Variants in SAMD3 observed in about 807,000 individuals in gnomAD.
SAMD3 encodes the protein sterile alpha motif domain-containing protein 3.
A neutral mutation model predicts 58.5 loss-of-function variants in SAMD3; 63 were observed. The observed-to-expected ratio is 1.08, with a 90% CI of 0.88 to 1.33. The LOEUF is 1.33. Among genes scored for constraint, SAMD3 ranks in the 40% most tolerant of loss-of-function variants. SAMD3 has a pLI of 0.00. For missense variants in SAMD3, 604 were observed against 608.4 expected (o/e 0.99, Z 0.08); for synonymous variants, 220 against 210.3 (o/e 1.05, Z -0.40).
intron 2 of SAMD3, among the ~76,000 whole-genome samples, chr6:130,306,588 T>C (rs564270271): frequency 4.6e-4 from 70 of 152,330 alleles, no homozygotes; most frequent in African/African-American, 1.7e-3. Context: ...TCTATTCCAC[T>C]AACTGTCCAG....
chr6:130,242,489 A>G (rs1034218133), intron 2 of SAMD3, among the ~76,000 whole-genome samples: 3 of 152,240 alleles, frequency 2.0e-5, no homozygotes, highest in Non-Finnish European at 4.4e-5. Context: ...GGATAAGTAA[A>G]CAAGACATTT....
intron 2 of SAMD3, among the ~76,000 whole-genome samples, chr6:130,269,374 A>G (rs942538098): frequency 2.0e-4 from 31 of 152,184 alleles, no homozygotes; most frequent in African/African-American, 6.8e-4. Context: ...TTTTAAAAAT[A>G]TGACTTCAAT....
intron 2 of SAMD3, among the ~76,000 whole-genome samples, chr6:130,270,589 T>C (rs1303088815): frequency 1.3e-5 from 2 of 152,208 alleles, no homozygotes; most frequent in South Asian, 2.1e-4. Flanking sequence ...TAAACCAAAA[T>C]TTCTCACTTA....
At chr6:130,240,196 T>C (rs1312737516) in intron 2 of SAMD3, among the ~76,000 whole-genome samples, 1 of 152,114 alleles carries the variant, frequency 6.6e-6, no homozygotes, top group Non-Finnish European at 1.5e-5. Context: ...CTCTGGAAGG[T>C]TCCTCTTCTC....
rs1790683162 is a variant in SAMD3, at chr6:130,165,740, G to T, written c.822+10101C>A. Among the ~76,000 whole-genome samples the T allele has an allele frequency of 2.6e-5, 4 of 151,942 alleles. 1 individual carries two copies. The South Asian group carries it at 8.3e-4, about 31-fold the overall frequency. ...GCTCTACCGGCTGAAAGAAACTTTAGTAATTAAGAAAAGAAAATGCATGCA... is the reference window on the plus strand; with the variant it reads ...GCTCTACCGGCTGAAAGAAACTTTATTAATTAAGAAAAGAAAATGCATGCA... On this transcript the variant is annotated intron_variant, in intron 8 of 11. Transcript: ENST00000439090.
chr6:130,154,821 A>T lies in SAMD3; in HGVS notation c.1023+4T>A, dbSNP rs1259213214. Reference sequence around the variant, plus strand: ...GTGTGTATATATATATAGAATAAAGATACCTGATAAGGGCACTTCAAGAAA... The same window carrying T: ...GTGTGTATATATATATAGAATAAAGTTACCTGATAAGGGCACTTCAAGAAA... On this transcript the variant is annotated splice_donor_region_variant and intron_variant, in intron 9 of 11. Transcript: ENST00000439090. 6.3e-7 allele frequency: 1 copy of T among 1,595,948 alleles called. No individual in the cohort carries two copies. The highest frequency in any genetic ancestry group is 2.2e-5 in the East Asian group (1 of 44,562).
chr6:130,272,363 C>T (rs1774595681), intron 2 of SAMD3, among the ~76,000 whole-genome samples: 1 of 152,124 alleles, frequency 6.6e-6, no homozygotes, highest in Non-Finnish European at 1.5e-5. Context: ...TCATGGTTGT[C>T]TTAGGACCTG....
chr6:130,319,900 G>T (rs1278054414), intron 1 of SAMD3, among the ~76,000 whole-genome samples: 4 of 152,082 alleles, frequency 2.6e-5, no homozygotes, highest in Non-Finnish European at 5.9e-5. Flanking sequence ...AGAAATAATT[G>T]TAGACCTGAC....
At chr6:130,323,800 C>A (rs1157324821) in intron 1 of SAMD3, among the ~76,000 whole-genome samples, 3 of 42,218 alleles carry the variant, frequency 7.1e-5, no homozygotes, top group Non-Finnish European at 6.9e-5. Context: ...TAGACTCTGT[C>A]TCAAAAAAAA....
intron 5 of SAMD3, among the ~76,000 whole-genome samples, chr6:130,201,659 C>T (rs975906817): frequency 5.9e-5 from 9 of 152,208 alleles, no homozygotes; most frequent in African/African-American, 1.9e-4. Flanking sequence ...TTTACAGCAA[C>T]TCCATCTTCT....
At chr6:130,334,307 G>A (rs767653080) in intron 1 of SAMD3, among the ~76,000 whole-genome samples, 14 of 151,938 alleles carry the variant, frequency 9.2e-5, no homozygotes, top group Non-Finnish European at 1.6e-4. Context: ...TTCTACATAA[G>A]CCATGGGCAT....
chr6:130,158,816 C>A (rs1258940312), intron 8 of SAMD3, among the ~76,000 whole-genome samples: 2 of 152,196 alleles, frequency 1.3e-5, no homozygotes, highest in East Asian at 3.8e-4. Flanking sequence ...TGGTTTCCCA[C>A]TGGTGACTCG....
At chr6:130,191,468 T>A (rs189498153) in intron 5 of SAMD3, among the ~76,000 whole-genome samples, 1 of 152,302 alleles carries the variant, frequency 6.6e-6, no homozygotes, top group East Asian at 1.9e-4. Context: ...AAACCCCTTT[T>A]GGAGCTATTG....
chr6:130,144,342 A>T lies in SAMD3; in HGVS notation c.*178T>A. The stretch of plus-strand genomic sequence containing the variant: ...TAATGAAGTAGAATTTTATTACAGA[A>T]TTTCACAAAGAACTTAATATCTAAG... On this transcript the variant is annotated 3_prime_UTR_variant, in exon 12 of 12. Transcript: ENST00000439090. 1 of 583,042 alleles carries T rather than the reference A, an allele frequency of 1.7e-6. No homozygotes were observed. 36.1% of individuals were successfully genotyped at this position (583,042 alleles called of 1,614,324 possible).
chr6:130,365,256 T>C (rs1778103562), exon 1 of SAMD3: 2 of 985,488 alleles, frequency 2.0e-6, no homozygotes, highest in South Asian at 9.4e-5. Flanking sequence ...CTCGTTGGCT[T>C]TGATGTTTGG....
At chr6:130,157,796 A>C (rs78079351) in intron 8 of SAMD3, among the ~76,000 whole-genome samples, 1 of 152,216 alleles carries the variant, frequency 6.6e-6, no homozygotes, top group African/African-American at 2.4e-5. Context: ...AATTGTCAAT[A>C]TTCATAGATG....
intron 1 of SAMD3, among the ~76,000 whole-genome samples, chr6:130,354,129 T>C (rs1425295724): frequency 6.6e-6 from 1 of 152,110 alleles, no homozygotes; most frequent in Non-Finnish European, 1.5e-5. Flanking sequence ...TGAGATACTA[T>C]CTCACACCAG....
intron 2 of SAMD3, among the ~76,000 whole-genome samples, chr6:130,272,367 G>A (rs769677806): frequency 2.6e-5 from 4 of 152,116 alleles, no homozygotes; most frequent in Non-Finnish European, 4.4e-5. Context: ...GGTTGTCTTA[G>A]GACCTGGGAT....
At chr6:130,359,851 A>T (rs1487035022) in intron 1 of SAMD3, among the ~76,000 whole-genome samples, 1 of 152,230 alleles carries the variant, frequency 6.6e-6, no homozygotes, top group African/African-American at 2.4e-5. Context: ...CATAGCTTCC[A>T]GGGATATGCT....
Sources: gnomAD v4.1 joint callset for allele counts (sites outside exome capture counted in the v4.1 genomes callset) on GRCh38, gnomAD v4.1.1 for gene constraint, MANE v1.5 for transcripts, NCBI Gene and HGNC (gene_info 2026-07-23, HGNC 2026-07-21) for gene names.